The following DENND1A variants were observed in gnomAD, a reference collection of about 807,000 sequenced individuals.
The protein encoded by DENND1A is DENN domain containing 1A, also known as DENN domain-containing protein 1A.
A neutral mutation model predicts 113.7 loss-of-function variants in DENND1A; 51 were observed. The ratio of observed to expected loss-of-function variants is 0.45; its 90% CI spans 0.36 to 0.57. DENND1A has a LOEUF of 0.57. Among genes scored for constraint, DENND1A ranks in the 20% least tolerant of loss-of-function variants. DENND1A has a pLI of 0.00. For synonymous variants in DENND1A, 565 were observed against 570.8 expected (o/e 0.99, Z 0.14); for missense variants, 1,258 against 1,395.9 (o/e 0.90, Z 1.57).
chr9:123,514,086 GTGTGTGTGTGTA>G (rs1229488933), intron 13 of DENND1A, among the ~76,000 whole-genome samples: 14 of 80,732 alleles, frequency 1.7e-4, no homozygotes, highest in South Asian at 1.0e-3. Context: ...GTGTGTGTGT[GTGTGTGTGTGTA>G]TGTGTGTGTG....
At chr9:123,432,203 T>G (rs1332083941) in intron 19 of DENND1A, among the ~76,000 whole-genome samples, 2 of 152,238 alleles carry the variant, frequency 1.3e-5, no homozygotes, top group Admixed American at 1.3e-4. Context: ...CTGATTTCTC[T>G]TTTTTGATTG....
At chr9:123,518,443 A>G (rs1354262993) in intron 13 of DENND1A, among the ~76,000 whole-genome samples, 1 of 152,168 alleles carries the variant, frequency 6.6e-6, no homozygotes, top group Non-Finnish European at 1.5e-5. Flanking sequence ...ATCTAGGAAA[A>G]CAATCCCAGT....
intron 13 of DENND1A, among the ~76,000 whole-genome samples, chr9:123,516,040 C>T (rs911951423): frequency 2.0e-5 from 3 of 151,998 alleles, no homozygotes; most frequent in African/African-American, 7.3e-5. Context: ...TGCCACTGCA[C>T]TCCAGCCTGG....
At chr9:123,704,101 T>G (rs1261757007) in intron 5 of DENND1A, among the ~76,000 whole-genome samples, 1 of 151,388 alleles carries the variant, frequency 6.6e-6, no homozygotes, top group Non-Finnish European at 1.5e-5. Context: ...TCTTTAAAAA[T>G]ATTGCTAATC....
At chr9:123,617,234 T>C (rs899605144) in intron 10 of DENND1A, among the ~76,000 whole-genome samples, 10 of 152,260 alleles carry the variant, frequency 6.6e-5, no homozygotes, top group African/African-American at 7.2e-5. Context: ...TGACGATCCA[T>C]GAGGAGACCA....
At chr9:123,416,402 C>G (rs1489153277) in intron 19 of DENND1A, among the ~76,000 whole-genome samples, 5 of 152,356 alleles carry the variant, frequency 3.3e-5, no homozygotes, top group East Asian at 3.9e-4. Flanking sequence ...CTCTTGACCG[C>G]TGACCGCTTG....
chr9:123,575,028 T>G (rs2058559383), intron 12 of DENND1A, among the ~76,000 whole-genome samples: 3 of 152,248 alleles, frequency 2.0e-5, no homozygotes, highest in Admixed American at 6.5e-5. Flanking sequence ...TTGTCTTTCC[T>G]TTGTTATGAC....
At chr9:123,708,043 G>A (rs2066343794) in intron 5 of DENND1A, among the ~76,000 whole-genome samples, 2 of 152,148 alleles carry the variant, frequency 1.3e-5, no homozygotes, top group African/African-American at 2.4e-5. Context: ...AGAAGGTAGC[G>A]TATACGGGTG....
intron 1 of DENND1A, among the ~76,000 whole-genome samples, chr9:123,918,061 C>A (rs947929960): frequency 6.6e-5 from 10 of 151,108 alleles, no homozygotes; most frequent in Middle Eastern, 3.4e-3. Context: ...TTGCAGTGAG[C>A]CAAGATCGCG....
intron 13 of DENND1A, among the ~76,000 whole-genome samples, chr9:123,498,466 A>G (rs1484751523): frequency 6.6e-6 from 1 of 152,270 alleles, no homozygotes; most frequent in Non-Finnish European, 1.5e-5. Flanking sequence ...TCAAGATCAG[A>G]GCTGGGATTT....
At chr9:123,808,043 T>A (rs1179287338) in intron 2 of DENND1A, among the ~76,000 whole-genome samples, 1 of 152,152 alleles carries the variant, frequency 6.6e-6, no homozygotes, top group Admixed American at 6.5e-5. Flanking sequence ...CTGCCCAACA[T>A]GGTGAAACCA....
chr9:123,504,963 C>T (rs912668428), intron 13 of DENND1A, among the ~76,000 whole-genome samples: 9 of 152,172 alleles, frequency 5.9e-5, no homozygotes, highest in African/African-American at 1.9e-4. Flanking sequence ...TACAAGAAAG[C>T]GGCGACAGCA....
intron 13 of DENND1A, among the ~76,000 whole-genome samples, chr9:123,478,366 C>T (rs1406563882): frequency 6.6e-6 from 1 of 152,260 alleles, no homozygotes; most frequent in Non-Finnish European, 1.5e-5. Context: ...CACTCCCAGC[C>T]ATTTCCCTGC....
At chr9:123,923,052 C>T (rs1015792314) in intron 1 of DENND1A, among the ~76,000 whole-genome samples, 2 of 152,184 alleles carry the variant, frequency 1.3e-5, no homozygotes, top group East Asian at 1.9e-4. Context: ...AAGGATGTTA[C>T]GAACCCAGAG....
intron 12 of DENND1A, among the ~76,000 whole-genome samples, chr9:123,564,980 C>CTTTTTTTTTTTTTT (rs199613371): frequency 5.3e-5 from 4 of 75,746 alleles, no homozygotes; most frequent in Non-Finnish European, 5.0e-5. Flanking sequence ...TCTGTCCCTT[C>CTTTTTTTTTTTTTT]TTTTTTTTTT....
intron 3 of DENND1A, among the ~76,000 whole-genome samples, chr9:123,783,199 T>C (rs1831587887): frequency 6.6e-6 from 1 of 152,222 alleles, no homozygotes. Flanking sequence ...TTCATCACCA[T>C]TTAAAGGGTT....
chr9:123,468,010 C>A (rs1405719202), intron 13 of DENND1A, among the ~76,000 whole-genome samples: 1 of 152,160 alleles, frequency 6.6e-6, no homozygotes, highest in Non-Finnish European at 1.5e-5. Flanking sequence ...ATGAAGAGGA[C>A]CTCATTTCCC....
intron 3 of DENND1A, among the ~76,000 whole-genome samples, chr9:123,778,060 T>C (rs1005848018): frequency 6.6e-6 from 1 of 152,184 alleles, no homozygotes; most frequent in Admixed American, 6.5e-5. Context: ...GGAGGTGATA[T>C]GAAACACTAC....
In DENND1A at chr9:123,382,361, G is replaced by A. The variant is rs772814564; in HGVS notation, c.2284C>T (p.Arg762Trp). The A allele has an allele frequency of 3.1e-6, 5 of 1,599,716 alleles. No individual in the cohort carries two copies. Among genetic ancestry groups the A allele is most frequent in the Admixed American group, 1.7e-5 (1 of 59,140 alleles). Residue 762 changes from arginine to tryptophan, a missense_variant, in exon 24 of 24, where the codon CGG (arginine) becomes TGG (tryptophan). Around this residue, in one of 2 missense-constraint regions of DENND1A, gnomAD observed 1,159 missense variants for 1,231.7 expected, o/e 0.94. Coordinates refer to ENST00000394215, the MANE Select transcript of DENND1A (RefSeq NM_001352964.2). ...TPTLGSITIP[R>W]PQGRKTPELG... ...TCTGGGGTCTTCCTGCCTTGGGGCC[G>A]GGGGATGGTGATGCTGCCCAGAGTA...
Sources: allele counts gnomAD v4.1 joint callset (sites outside exome capture counted in the v4.1 genomes callset), GRCh38; gene constraint gnomAD v4.1.1; regional missense constraint gnomAD v4.1.1; transcripts MANE v1.5; gene names NCBI Gene and HGNC (gene_info 2026-07-23, HGNC 2026-07-21).